The following GPM6A variants were observed in gnomAD, a reference collection of about 807,000 sequenced individuals.
GPM6A encodes neuronal membrane glycoprotein M6-a.
A neutral mutation model predicts 32.1 loss-of-function variants in GPM6A; 7 were observed. That is an observed-to-expected ratio of 0.22 (90% CI 0.12 to 0.41). GPM6A has a LOEUF of 0.41. GPM6A is among the 10% of genes least tolerant of loss of function. GPM6A has a pLI of 1.00. For synonymous variants in GPM6A, 130 were observed against 123.4 expected (o/e 1.05, Z -0.35); for missense variants, 235 against 347.2 (o/e 0.68, Z 2.57).
At chr4:175,962,613 G>T in intron 1 of GPM6A, 1 of 255,930 alleles carries the variant, frequency 3.9e-6, no homozygotes. Context: ...GACAACTGAG[G>T]TGATAGAAAC....
intron 1 of GPM6A, among the ~76,000 whole-genome samples, chr4:175,736,255 A>G (rs940601972): frequency 2.0e-5 from 3 of 152,154 alleles, no homozygotes; most frequent in African/African-American, 7.2e-5. Context: ...GCCTCGAGCA[A>G]TTCTCCTACC....
intron 1 of GPM6A, among the ~76,000 whole-genome samples, chr4:175,884,002 A>C (rs1035167443): frequency 2.6e-5 from 4 of 152,216 alleles, no homozygotes; most frequent in Admixed American, 1.3e-4. Flanking sequence ...GAAAAGTTTC[A>C]ATTTCAAAGC....
At chr4:175,741,945 G>T (rs984009299) in intron 1 of GPM6A, among the ~76,000 whole-genome samples, 3 of 151,854 alleles carry the variant, frequency 2.0e-5, no homozygotes, top group Non-Finnish European at 4.4e-5. Context: ...TCAAAGCTAC[G>T]CATTTATGGA....
intron 4 of GPM6A, among the ~76,000 whole-genome samples, chr4:175,649,706 A>T (rs1382147272): frequency 6.6e-6 from 1 of 152,202 alleles, no homozygotes; most frequent in African/African-American, 2.4e-5. Flanking sequence ...CGAAGCTCTG[A>T]GAGTAGGGTT....
At chr4:175,971,136 A>C (rs1312452157) in intron 1 of GPM6A, among the ~76,000 whole-genome samples, 1 of 152,198 alleles carries the variant, frequency 6.6e-6, no homozygotes, top group African/African-American at 2.4e-5. Context: ...TCTATTTTAA[A>C]ATACAGAACA....
intron 1 of GPM6A, among the ~76,000 whole-genome samples, chr4:175,926,531 G>A (rs1284254840): frequency 6.6e-6 from 1 of 152,002 alleles, no homozygotes; most frequent in African/African-American, 2.4e-5. Context: ...GTTGAAATTT[G>A]ACAAAATAAT....
chr4:175,965,456 A>G (rs1740304475), intron 1 of GPM6A, among the ~76,000 whole-genome samples: 1 of 152,160 alleles, frequency 6.6e-6, no homozygotes, highest in Non-Finnish European at 1.5e-5. Flanking sequence ...AATACAAGAC[A>G]TTGAAAACAG....
At chr4:175,805,782 T>TTA (rs1395795797) in intron 1 of GPM6A, 1 of 152,222 alleles carries the variant, frequency 6.6e-6, no homozygotes, top group Non-Finnish European at 1.5e-5. Context: ...TTTCCTCATA[T>TTA]TATAACTTAA....
At chr4:175,854,410 C>T (rs981252761) in intron 1 of GPM6A, among the ~76,000 whole-genome samples, 4 of 152,108 alleles carry the variant, frequency 2.6e-5, no homozygotes, top group African/African-American at 7.2e-5. Flanking sequence ...AAAAAATAAT[C>T]TAATGAATGA....
intron 2 of GPM6A, among the ~76,000 whole-genome samples, chr4:175,680,010 T>G (rs1175640182): frequency 6.6e-6 from 1 of 152,214 alleles, no homozygotes; most frequent in Non-Finnish European, 1.5e-5. Context: ...TGGTGCTATA[T>G]GTGCTCATTG....
At chr4:175,636,260 G>GTGTATATATA (rs1203632844) in intron 6 of GPM6A, among the ~76,000 whole-genome samples, 10 of 101,340 alleles carry the variant, frequency 9.9e-5, no homozygotes, top group Non-Finnish European at 1.6e-4. Context: ...CATAATCACT[G>GTGTATATATA]TATATATATA....
At chr4:175,706,363 C>T (rs1469023158) in intron 1 of GPM6A, among the ~76,000 whole-genome samples, 1 of 152,094 alleles carries the variant, frequency 6.6e-6, no homozygotes, top group African/African-American at 2.4e-5. Context: ...ACTCCACAAA[C>T]TGCATCAAAA....
chr4:175,733,479 G>C (rs1731521401), intron 1 of GPM6A, among the ~76,000 whole-genome samples: 1 of 152,148 alleles, frequency 6.6e-6, no homozygotes, highest in Non-Finnish European at 1.5e-5. Context: ...CTACAGCCTA[G>C]GTGACAGAGC....
At chr4:175,690,936 A>T (rs1278115372) in intron 2 of GPM6A, among the ~76,000 whole-genome samples, 1 of 152,230 alleles carries the variant, frequency 6.6e-6, no homozygotes. Flanking sequence ...TTCTTCAAAC[A>T]ATGTGGTGAT....
At chr4:175,721,013 GTATATATATATACTAGTACATATATAT>G (rs1746087305) in intron 1 of GPM6A, among the ~76,000 whole-genome samples, 1 of 129,804 alleles carries the variant, frequency 7.7e-6, no homozygotes, top group Non-Finnish European at 1.6e-5. Flanking sequence ...AGCTTTTCTA[GTATATATATATACTAGTACATATATAT>G]TATATATATA....
intron 1 of GPM6A, among the ~76,000 whole-genome samples, chr4:175,746,409 A>T (rs1440746337): frequency 6.6e-6 from 1 of 152,192 alleles, no homozygotes; most frequent in Non-Finnish European, 1.5e-5. Context: ...CCTGTATATA[A>T]ATGTACAAAA....
Position 175,694,046 on chromosome 4 carries a change from A to G in GPM6A, c.230+7529T>C, listed in dbSNP as rs1043126641. ...GCCTGTTTCCCTTTTGCCTTCCACC[A>G]TAATTGTGAGTTTCCTGAGGCCTCC... is the stretch of plus-strand genomic sequence containing the variant. On this transcript the variant is annotated intron_variant, in intron 2 of 6. Coordinates refer to ENST00000393658, the MANE Select transcript of GPM6A (RefSeq NM_201591.3). Among the ~76,000 whole-genome samples the G allele has an allele frequency of 2.6e-5, 4 of 152,106 alleles. No homozygotes were observed. In the East Asian group the frequency reaches 5.8e-4, roughly 22 times the overall value.
intron 1 of GPM6A, among the ~76,000 whole-genome samples, chr4:175,784,230 A>G (rs1733714341): frequency 6.6e-6 from 1 of 152,116 alleles, no homozygotes. Context: ...CAAACACAAA[A>G]TGAGGGCAAT....
chr4:175,869,634 G>A (rs545587807), intron 1 of GPM6A, among the ~76,000 whole-genome samples: 3 of 152,208 alleles, frequency 2.0e-5, no homozygotes, highest in South Asian at 4.2e-4. Flanking sequence ...GTGCGCACCT[G>A]TAGTCTCAAC....
Sources: gnomAD v4.1 joint callset for allele counts (sites outside exome capture counted in the v4.1 genomes callset) on GRCh38, gnomAD v4.1.1 for gene constraint, MANE v1.5 for transcripts, NCBI Gene and HGNC (gene_info 2026-07-23, HGNC 2026-07-21) for gene names.